Variants in EMX1 observed in about 807,000 individuals in gnomAD.
The protein encoded by EMX1 is empty spiracles homeobox 1.
A neutral mutation model predicts 20.1 loss-of-function variants in EMX1; 10 were observed. The observed-to-expected ratio is 0.50, with a 90% CI of 0.31 to 0.84. The LOEUF is 0.84. EMX1 is among the 40% of genes least tolerant of loss of function. The pLI is 0.05. For missense variants in EMX1, 424 were observed against 431.9 expected, an observed-to-expected ratio of 0.98 and a Z score of 0.16; for synonymous variants, 250 against 200.4, an observed-to-expected ratio of 1.25 and a Z score of -2.09.
rs1257064774 is a variant in EMX1 at position 72,931,395 on chromosome 2, C to T, written c.706-2392C>T. ...AAAGGGCCCCCGGTCCCTGGTACTG[C>T]CCGCATCACCTGACAGTCACCTTCG... On this transcript the variant is annotated intron_variant, in intron 2 of 2. Coordinates refer to ENST00000258106, the MANE Select transcript of EMX1 (RefSeq NM_004097.3). Among the ~76,000 whole-genome samples, 5 of 152,228 alleles carry T rather than the reference C, an allele frequency of 3.3e-5. No homozygotes were observed. In the East Asian group the frequency reaches 9.6e-4, roughly 29 times the overall value.
chr2:72,917,840 CG>C lies in EMX1; in HGVS notation c.-10del. On this transcript the variant is annotated 5_prime_UTR_variant, in exon 1 of 3. Transcript: ENST00000258106. Reference sequence around the variant, plus strand: ...GGGCGGGCGGGGGAGGTGAGGGGTGCGGGCGGGTGTGCATGTGCCTGGCTGG... The same window carrying C: ...GGGCGGGCGGGGGAGGTGAGGGGTGCGGCGGGTGTGCATGTGCCTGGCTGG... 7.3e-7 allele frequency: 1 copy of C among 1,377,238 alleles called. No individual in the cohort carries two copies. The highest frequency in any genetic ancestry group is 9.4e-7 in the Non-Finnish European group (1 of 1,068,752). The allele number at this position is 1,377,238 out of a possible 1,614,324, so 85.3% of individuals were successfully genotyped here.
upstream of EMX1, chr2:72,917,360 G>A (rs1360909559): frequency 1.5e-5 from 5 of 341,366 alleles, no homozygotes; most frequent in Non-Finnish European, 1.6e-5. Context: ...GGCGAGGGGA[G>A]GAGGAGGCCT....
At chr2:72,918,654 C>T (rs975451357) in intron 1 of EMX1, among the ~76,000 whole-genome samples, 2 of 152,250 alleles carry the variant, frequency 1.3e-5, no homozygotes, top group Non-Finnish European at 2.9e-5. Flanking sequence ...CCTGTGCTGG[C>T]CCTCGCCACA....
Position 72,917,729 on chromosome 2 carries a change from T to C in EMX1, c.-124T>C, listed in dbSNP as rs559663387. 4.1e-5 allele frequency: 39 copies of C among 951,830 alleles called. No individual in the cohort carries two copies. The highest frequency in any genetic ancestry group is 1.4e-4 in the Admixed American group (3 of 21,540). The allele number at this position is 951,830 out of a possible 1,614,324, so 59.0% of individuals were successfully genotyped here. On this transcript the variant is annotated 5_prime_UTR_variant, in exon 1 of 3. Transcript: ENST00000258106. ...CCGCAGCAGCCGCCGCGCCTGGCCG[T>C]ACGCTGTGGCCGGACCCCGCGGTCG...
upstream of EMX1, chr2:72,916,431 C>T (rs549114683): frequency 3.8e-5 from 21 of 549,306 alleles, no homozygotes; most frequent in East Asian, 6.3e-4. Context: ...GTCCCAGCCT[C>T]CCCACCGCCG....
At chr2:72,920,549 C>A (rs1028238134) in intron 1 of EMX1, among the ~76,000 whole-genome samples, 1 of 152,212 alleles carries the variant, frequency 6.6e-6, no homozygotes, top group African/African-American at 2.4e-5. Context: ...CGAGCCGTCT[C>A]GGGCCCTCCG....
chr2:72,929,290 T>C (rs776283673), intron 2 of EMX1, among the ~76,000 whole-genome samples: 1 of 152,156 alleles, frequency 6.6e-6, no homozygotes, highest in South Asian at 2.1e-4. Flanking sequence ...GGGACCAACA[T>C]GTCCTGAGGT....
At chr2:72,927,472 T>G (rs1671223757) in intron 2 of EMX1, among the ~76,000 whole-genome samples, 2 of 152,238 alleles carry the variant, frequency 1.3e-5, no homozygotes. Context: ...CTCCACATTC[T>G]CAGAGCTCAC....
rs1277740783 is a variant in EMX1, at chr2:72,917,880, A to G, written c.28A>G (p.Lys10Glu). The G allele has an allele frequency of 2.0e-6, 3 of 1,478,138 alleles. No homozygotes were observed. Among genetic ancestry groups the G allele is most frequent in the Non-Finnish European group, 2.7e-6 (3 of 1,122,000 alleles). 91.6% of individuals were successfully genotyped at this position (1,478,138 alleles called of 1,614,324 possible). A position where few individuals can be genotyped will look rare whatever the true frequency, so the allele number is the denominator to read the frequency against. Residue 10 changes from lysine (K) to glutamate (E), a missense_variant, in exon 1 of 3, where the codon AAG becomes GAG. Lys to Glu is a moderately conservative substitution (Grantham distance 56). Around this residue, in one of 2 missense-constraint regions of EMX1, gnomAD observed 333 missense variants for 296.6 expected, o/e 1.12. Transcript: ENST00000258106. Reference sequence around the variant, plus strand: ...GTGCCTGGCTGGGTGCACACCCCGCAAGGCGGCGGCGCCAGGACGCGGAGC... The same window carrying G: ...GTGCCTGGCTGGGTGCACACCCCGCGAGGCGGCGGCGCCAGGACGCGGAGC... The part of the protein sequence containing the change: MCLAGCTPR[K>E]AAAPGRGALP...
chr2:72,919,167 C>T (rs867718516), intron 1 of EMX1, among the ~76,000 whole-genome samples: 5 of 144,020 alleles, frequency 3.5e-5, no homozygotes, highest in Middle Eastern at 3.5e-3. Context: ...TAATAAAGAT[C>T]CTCCACTGGC....
intron 1 of EMX1, among the ~76,000 whole-genome samples, chr2:72,922,448 C>A (rs140847962): frequency 5.3e-5 from 8 of 152,206 alleles, no homozygotes; most frequent in Admixed American, 3.3e-4. Context: ...TCTCTTCAGT[C>A]GGACCTGAGG....
rs79706206 is a variant in EMX1, at chr2:72,920,746, C to A, written c.520+2374C>A. Among the ~76,000 whole-genome samples, 1,150 of 152,342 alleles carry A rather than the reference C, an allele frequency of 7.5e-3. 16 individuals carry two copies. The highest frequency in any genetic ancestry group is 0.027 in the African/African-American group (1,108 of 41,586). The stretch of plus-strand genomic sequence containing the variant: ...AACCGAGGCGCTGGAAGGGGAAAAG[C>A]GAATGCGGAATCGTCCAGGACTCCG... On this transcript the variant is annotated intron_variant, in intron 1 of 2. Coordinates refer to ENST00000258106, the MANE Select transcript of EMX1 (RefSeq NM_004097.3).
Position 72,917,956 on chromosome 2 carries a change from T to C in EMX1, c.104T>C (p.Phe35Ser). 5 of 1,486,328 alleles carry C rather than the reference T, an allele frequency of 3.4e-6. No individual in the cohort carries two copies. The highest frequency in any genetic ancestry group is 4.4e-6 in the Non-Finnish European group (5 of 1,126,028). The allele number at this position is 1,486,328 out of a possible 1,614,324, so 92.1% of individuals were successfully genotyped here. A position where few individuals can be genotyped will look rare whatever the true frequency, so the allele number is the denominator to read the frequency against. Residue 35 changes from phenylalanine (F) to serine (S), a missense_variant, in exon 1 of 3, where the codon TTC becomes TCC. Phe to Ser is a radical substitution (Grantham distance 155, BLOSUM62 -2). This residue lies in a region of EMX1 where 333 missense variants were observed against 296.6 expected (regional missense o/e 1.12). Transcript: ENST00000258106. The stretch of plus-strand genomic sequence containing the variant: ...ACAGCTCCCGCGGCTGCGACCATGT[T>C]CCAGCCCGCGGCCAAGCGCGGCTTT... ...PRTAPAAATMFQPAAKRGFTI... is the reference protein window; with the variant it reads ...PRTAPAAATMSQPAAKRGFTI...
At position 72,933,927 on chromosome 2, in the gene EMX1, G is replaced by A; in HGVS notation, c.846G>A (p.Glu282=). 1 of 1,614,272 alleles carries A rather than the reference G, an allele frequency of 6.2e-7. No individual in the cohort carries two copies. ...TTGCCACGAAGCAGGCCAATGGGGA[G>A]GACATCGATGTCACCTCCAATGACT... ...WRIATKQANG[E]DIDVTSND The change falls in exon 3 of 3, where the codon GAG becomes GAA. Residue 282 remains glutamate, a synonymous_variant. Coordinates refer to ENST00000258106, the MANE Select transcript of EMX1 (RefSeq NM_004097.3).
intron 2 of EMX1, among the ~76,000 whole-genome samples, chr2:72,927,128 A>T (rs556977293): frequency 6.6e-6 from 1 of 152,302 alleles, no homozygotes. Context: ...TGGCTAATTT[A>T]TATTTCCGAT....
chr2:72,920,146 C>A (rs1411228335), intron 1 of EMX1, among the ~76,000 whole-genome samples: 1 of 152,204 alleles, frequency 6.6e-6, no homozygotes, highest in Non-Finnish European at 1.5e-5. Flanking sequence ...CCCTGACGCC[C>A]TCCGCACCGC....
At chr2:72,929,873 A>G (rs1671256303) in intron 2 of EMX1, among the ~76,000 whole-genome samples, 1 of 152,208 alleles carries the variant, frequency 6.6e-6, no homozygotes, top group South Asian at 2.1e-4. Context: ...TCATTCATCC[A>G]TAGCAGTTTC....
rs1169388244 is a variant in EMX1, at chr2:72,930,705, G to A, written c.706-3082G>A. Among the ~76,000 whole-genome samples the A allele has an allele frequency of 6.6e-6, 1 of 152,102 alleles. No individual in the cohort carries two copies. Among genetic ancestry groups the A allele is most frequent in the Non-Finnish European group, 1.5e-5 (1 of 68,008 alleles). ...CAGGGCCTGTTTTCTCTAGGGAAGGGGCTCTGAAGGATCCAGAGTTGCCTG... is the reference window on the plus strand; with the variant it reads ...CAGGGCCTGTTTTCTCTAGGGAAGGAGCTCTGAAGGATCCAGAGTTGCCTG... On this transcript the variant is annotated intron_variant, in intron 2 of 2. Transcript: ENST00000258106. This position sits in a 1 kb window ranked among gnomAD's most constrained non-coding sequence, Gnocchi z 4.4.
At chr2:72,923,764 CTG>C (rs1671142313) in intron 1 of EMX1, 2 of 185,980 alleles carry the variant, frequency 1.1e-5, no homozygotes, top group South Asian at 1.2e-4. Context: ...GTTCTTGAAT[CTG>C]TGTTTGGCAA....
Sources: gnomAD v4.1 joint callset for allele counts (sites outside exome capture counted in the v4.1 genomes callset) on GRCh38, gnomAD v4.1.1 for gene constraint, gnomAD v4.1.1 regional missense constraint, Gnocchi (gnomAD v3.1) non-coding constraint, MANE v1.5 for transcripts, NCBI Gene and HGNC (gene_info 2026-07-23, HGNC 2026-07-21) for gene names.